DNAH7: variants seen among roughly 807,000 people sequenced by gnomAD.
The protein encoded by DNAH7 is dynein axonemal heavy chain 7, also known as axonemal beta dynein heavy chain 7.
In DNAH7, 397 loss-of-function variants were observed where a neutral mutation model predicts 444.6. The ratio of observed to expected loss-of-function variants is 0.89; its 90% CI spans 0.82 to 0.97. The LOEUF is 0.97. Among genes scored for constraint, DNAH7 ranks in the 50% least tolerant of loss-of-function variants. The probability of loss-of-function intolerance (pLI) is 0.00; values close to 1 mark genes in which losing one functional copy is unlikely to be tolerated. For synonymous variants in DNAH7, 1,636 were observed against 1,624.4 expected (o/e 1.01, Z -0.17); for missense variants, 4,902 against 4,800.8 (o/e 1.02, Z -0.62).
intron 10 of DNAH7, among the ~76,000 whole-genome samples, chr2:196,010,887 A>G (rs1444830784): frequency 6.6e-6 from 1 of 152,240 alleles, no homozygotes; most frequent in Non-Finnish European, 1.5e-5. Flanking sequence ...GTGTTAACTG[A>G]AATAAGCCAG....
At chr2:195,908,212 AT>A (rs1471727744) in intron 25 of DNAH7, among the ~76,000 whole-genome samples, 4 of 151,794 alleles carry the variant, frequency 2.6e-5, no homozygotes, top group African/African-American at 9.7e-5. Flanking sequence ...TAGTTTTGTT[AT>A]TTTTTTCTTT....
At position 196,048,002 on chromosome 2, in the gene DNAH7, T is replaced by G. The variant is rs561290832; in HGVS notation, c.250+294A>C. On this transcript the variant is annotated intron_variant, in intron 4 of 64. Transcript: ENST00000312428. ...GAAATATAATTTATTAAAATCTCTC[T>G]TATAAAAATCTCAGTCTTTGATGTA... 2.4e-4 allele frequency among the ~76,000 whole-genome samples: 36 copies of G among 152,246 alleles called. 2 individuals carry two copies. The South Asian group carries it at 7.3e-3, about 31-fold the overall frequency.
intron 9 of DNAH7, among the ~76,000 whole-genome samples, chr2:196,015,822 C>T (rs563763778): frequency 1.3e-5 from 2 of 152,314 alleles, no homozygotes; most frequent in South Asian, 2.1e-4. Context: ...GTATTCAATG[C>T]TGGCTACTAC....
At chr2:195,783,493 C>T (rs1290383071) in intron 58 of DNAH7, among the ~76,000 whole-genome samples, 1 of 152,124 alleles carries the variant, frequency 6.6e-6, no homozygotes, top group Non-Finnish European at 1.5e-5. Context: ...AAGTCTCTGC[C>T]TCTGTCTTCA....
intron 9 of DNAH7, 119 bp from the exon 10 acceptor site, chr2:196,013,025 T>C (rs1694812284): frequency 1.5e-6 from 1 of 669,050 alleles, no homozygotes; most frequent in South Asian, 4.3e-5. Flanking sequence ...AAAATTGTGT[T>C]CTATATAATT....
intron 12 of DNAH7, among the ~76,000 whole-genome samples, chr2:195,988,518 T>TA (rs1278150553): frequency 6.6e-6 from 1 of 152,062 alleles, no homozygotes; most frequent in East Asian, 1.9e-4. Context: ...ATATTTAGAA[T>TA]AAAAAACAGC....
chr2:195,839,698 C>T (rs1164382944), intron 47 of DNAH7, among the ~76,000 whole-genome samples: 1 of 151,632 alleles, frequency 6.6e-6, no homozygotes, highest in Non-Finnish European at 1.5e-5. Flanking sequence ...ACAGACCCTA[C>T]AGACATTAAA....
At chr2:195,872,148 T>C in intron 40 of DNAH7, 102 bp downstream of exon 40, 2 of 957,110 alleles carry the variant, frequency 2.1e-6, no homozygotes, top group Non-Finnish European at 3.1e-6. Context: ...TAACTGAATA[T>C]ATTTCAGCAA....
intron 48 of DNAH7, among the ~76,000 whole-genome samples, chr2:195,826,604 G>A (rs867748285): frequency 9.2e-5 from 14 of 152,010 alleles, no homozygotes; most frequent in Admixed American, 9.2e-4. Context: ...TATATTTTTG[G>A]CAGGGTGTTT....
At chr2:195,768,162 ATATATT>A (rs1694671673) in intron 61 of DNAH7, among the ~76,000 whole-genome samples, 1 of 148,060 alleles carries the variant, frequency 6.8e-6, no homozygotes, top group Non-Finnish European at 1.5e-5. Context: ...ATATGGGTAT[ATATATT>A]TATATCTTTA....
rs557139614 is a variant in DNAH7 at position 195,967,951 on chromosome 2, C to T, written c.2205+1997G>A. 1.2e-3 allele frequency among the ~76,000 whole-genome samples: 181 copies of T among 152,316 alleles called. 2 individuals are homozygous for T. The highest frequency in any genetic ancestry group is 4.2e-3 in the African/African-American group (173 of 41,560). On this transcript the variant is annotated intron_variant, in intron 17 of 64. Transcript: ENST00000312428. ...AAGACAAAATCCTTCCCACCCTTCCCTCCTCTTTCCACAAGTGGAAGAGCC... is the reference window on the plus strand; with the variant it reads ...AAGACAAAATCCTTCCCACCCTTCCTTCCTCTTTCCACAAGTGGAAGAGCC...
Position 195,738,102 on chromosome 2 carries a change from G to A in DNAH7, c.11894C>T (p.Ala3965Val). The A allele has an allele frequency of 1.9e-6, 3 of 1,613,796 alleles. No individual in the cohort carries two copies. The highest frequency in any genetic ancestry group is 2.5e-6 in the Non-Finnish European group (3 of 1,179,762). The part of the protein sequence containing the change: ...PVMWLKPCKR[A>V]DIPKRPSYVA... ...ATAACTTGGCCGTTTTGGTATATCT[G>A]CCCTCTTACAGGGCTTTAGCCACAT... The change falls in exon 65 of 65, where the codon GCA becomes GTA. Residue 3965 changes from alanine to valine, a missense_variant. Transcript: ENST00000312428.
At chr2:195,806,424 A>G (rs1440115737) in intron 54 of DNAH7, among the ~76,000 whole-genome samples, 1 of 152,218 alleles carries the variant, frequency 6.6e-6, no homozygotes, top group African/African-American at 2.4e-5. Flanking sequence ...TAATTTCACC[A>G]AAGTATTAAC....
intron 41 of DNAH7, among the ~76,000 whole-genome samples, chr2:195,863,467 G>A (rs528857174): frequency 1.3e-5 from 2 of 151,922 alleles, no homozygotes; most frequent in East Asian, 3.9e-4. Context: ...CCCACCCCTC[G>A]TTCCTACCCC....
chr2:195,923,116 G>A (rs1437958100), intron 23 of DNAH7, among the ~76,000 whole-genome samples: 1 of 152,066 alleles, frequency 6.6e-6, no homozygotes, highest in Non-Finnish European at 1.5e-5. Context: ...TGCCTGCCTT[G>A]GCCTCCCAAA....
chr2:195,898,549 G>C (rs998095893), intron 28 of DNAH7, among the ~76,000 whole-genome samples: 1 of 152,090 alleles, frequency 6.6e-6, no homozygotes, highest in African/African-American at 2.4e-5. Flanking sequence ...CATGCAGTTA[G>C]ATGACATAAT....
In DNAH7 at chr2:195,858,743, A is replaced by T. The variant is rs1456216847; in HGVS notation, c.7798T>A (p.Ser2600Thr). The T allele has an allele frequency of 1.2e-6, 2 of 1,613,808 alleles. No individual in the cohort carries two copies. Among genetic ancestry groups the T allele is most frequent in the African/African-American group, 1.3e-5 (1 of 74,892 alleles). ...VGLEKLDSASSQVATMQMELE... is the reference protein window; with the variant it reads ...VGLEKLDSASTQVATMQMELE... The stretch of plus-strand genomic sequence containing the variant: ...TCCATCTGCATTGTGGCTACTTGAG[A>T]TGAAGCAGAATCCAGTTTCTCCAAA... The change falls in exon 43 of 65, where the codon TCT (serine) becomes ACT (threonine). Residue 2600 changes from serine (S) to threonine (T), a missense_variant. Coordinates refer to ENST00000312428, the MANE Select transcript of DNAH7 (RefSeq NM_018897.3).
chr2:195,745,707 T>C lies in DNAH7; in HGVS notation c.11765-4838A>G, dbSNP rs541440184. On this transcript the variant is annotated intron_variant, in intron 63 of 64. Transcript: ENST00000312428. Reference sequence around the variant, plus strand: ...GAGAGTGGGGGCCAATATTCAACATTCTTAAAGAATTTTCAACCCAGAATT... The same window carrying C: ...GAGAGTGGGGGCCAATATTCAACATCCTTAAAGAATTTTCAACCCAGAATT... Among the ~76,000 whole-genome samples the C allele has an allele frequency of 7.2e-5, 11 of 151,940 alleles. No homozygotes were observed. The South Asian group carries it at 1.7e-3, about 23-fold the overall frequency.
Position 195,738,015 on chromosome 2 carries a change from GTGGAA to G in DNAH7, c.11976_11980del (p.Ser3993GlufsTer11). ...AAGAGTCATGGCAATCACAAAATTCGTGGAATGGCCAGTGGTGGATAATACTCCTC... is the reference window on the plus strand; with the variant it reads ...AAGAGTCATGGCAATCACAAAATTCGTGGCCAGTGGTGGATAATACTCCTC... On this transcript the variant is annotated frameshift_variant, in exon 65 of 65. Coordinates refer to ENST00000312428, the MANE Select transcript of DNAH7 (RefSeq NM_018897.3). LOFTEE classifies it high-confidence loss of function. 1 of 1,614,048 alleles carries G rather than the reference GTGGAA, an allele frequency of 6.2e-7. No individual in the cohort carries two copies. The highest frequency in any genetic ancestry group is 8.5e-7 in the Non-Finnish European group (1 of 1,179,942).
Sources: gnomAD v4.1 joint callset for allele counts (sites outside exome capture counted in the v4.1 genomes callset) on GRCh38, gnomAD v4.1.1 for gene constraint, MANE v1.5 for transcripts, NCBI Gene and HGNC (gene_info 2026-07-23, HGNC 2026-07-21) for gene names.